Variants in GABRG3 observed in about 807,000 individuals in gnomAD.
GABRG3 encodes gamma-aminobutyric acid receptor subunit gamma-3.
GABRG3 carries 25 observed loss-of-function variants against 48.8 expected under a neutral mutation model. That is an observed-to-expected ratio of 0.51 (90% confidence interval 0.37 to 0.72). GABRG3 has a LOEUF of 0.72. Ranked by LOEUF, GABRG3 falls within the 30% of genes least tolerant of loss-of-function variation. The pLI, the probability that GABRG3 is intolerant of heterozygous loss-of-function variation, is 0.00. For synonymous variants in GABRG3, 227 were observed against 217.6 expected (o/e 1.04, Z -0.38); for missense variants, 394 against 577.9 (o/e 0.68, Z 3.26).
chr15:27,128,006 T>C (rs1457386036), intron 3 of GABRG3, among the ~76,000 whole-genome samples: 1 of 152,060 alleles, frequency 6.6e-6, no homozygotes, highest in African/African-American at 2.4e-5. Flanking sequence ...GTGACCTGGG[T>C]ATGGAAGGCG....
chr15:27,473,854 A>G (rs1055488485), intron 5 of GABRG3, among the ~76,000 whole-genome samples: 8 of 152,254 alleles, frequency 5.3e-5, no homozygotes, highest in African/African-American at 1.9e-4. Context: ...CTTCACTTTC[A>G]TGAAAACACA....
At chr15:27,530,727 G>T in intron 9 of GABRG3, 1 of 471,018 alleles carries the variant, frequency 2.1e-6, no homozygotes, top group Non-Finnish European at 4.4e-6. Context: ...GAATCTTCCT[G>T]TGTGGCTGCC....
chr15:27,416,743 G>A (rs899598511), intron 5 of GABRG3, among the ~76,000 whole-genome samples: 3 of 152,086 alleles, frequency 2.0e-5, no homozygotes, highest in African/African-American at 7.2e-5. Flanking sequence ...TTTCTGCCCC[G>A]GTAAATTGCG....
chr15:27,416,037 G>A (rs905851331), intron 5 of GABRG3, among the ~76,000 whole-genome samples: 3 of 152,036 alleles, frequency 2.0e-5, no homozygotes, highest in Non-Finnish European at 2.9e-5. Flanking sequence ...AATCATCTTC[G>A]AAGAAAGGCA....
chr15:27,237,740 T>TTGTTAGAA (rs1890018348), intron 3 of GABRG3, among the ~76,000 whole-genome samples: 1 of 152,196 alleles, frequency 6.6e-6, no homozygotes, highest in Non-Finnish European at 1.5e-5. Context: ...ACATAAAGCT[T>TTGTTAGAA]TGTTAGAATG....
In GABRG3 at chr15:27,430,626, T is replaced by C. The variant is rs150248321; in HGVS notation, c.575-50024T>C. On this transcript the variant is annotated intron_variant, in intron 5 of 9. Coordinates refer to ENST00000615808, the MANE Select transcript of GABRG3 (RefSeq NM_033223.5). ...CATTTGTTTGCATGTGCATATCCCA[T>C]TGTCCCAGCAACATTTGTTTAAATG... Among the ~76,000 whole-genome samples the C allele has an allele frequency of 1.6e-4, 24 of 152,312 alleles. No homozygotes were observed. In the East Asian group the frequency reaches 4.6e-3, roughly 29 times the overall value.
intron 6 of GABRG3, among the ~76,000 whole-genome samples, chr15:27,516,587 C>G (rs981373280): frequency 6.6e-6 from 1 of 152,158 alleles, no homozygotes; most frequent in Non-Finnish European, 1.5e-5. Context: ...ATCTTCTACA[C>G]CACTGGTTTT....
chr15:27,218,804 C>G (rs139291501), intron 3 of GABRG3, among the ~76,000 whole-genome samples: 1 of 152,146 alleles, frequency 6.6e-6, no homozygotes, highest in Non-Finnish European at 1.5e-5. Flanking sequence ...GGGTGGTGAC[C>G]GTGGCCAGGT....
intron 2 of GABRG3, among the ~76,000 whole-genome samples, chr15:27,005,263 C>T (rs537083753): frequency 1.3e-5 from 2 of 151,902 alleles, no homozygotes; most frequent in African/African-American, 4.8e-5. Flanking sequence ...TGCGGTGGTG[C>T]AATCTCGGCT....
chr15:27,351,343 T>C lies in GABRG3; in HGVS notation c.574+22455T>C, dbSNP rs534146202. Among the ~76,000 whole-genome samples, 724 of 149,084 alleles carry C rather than the reference T, an allele frequency of 4.9e-3. 4 individuals are homozygous for C. The highest frequency in any genetic ancestry group is 0.017 in the African/African-American group (682 of 40,244). The stretch of plus-strand genomic sequence containing the variant: ...GTGTATGGTGTGTGTGTGTATGGTA[T>C]ATGTGTGTATGTGTGAGTGCCTTTG... On this transcript the variant is annotated intron_variant, in intron 5 of 9. Transcript: ENST00000615808.
rs540946406 is a variant in GABRG3 at position 27,534,916 on chromosome 15, G to A, written c.*2035G>A. 65 of 152,248 alleles carry A rather than the reference G, an allele frequency of 4.3e-4. No homozygotes were observed. The highest frequency in any genetic ancestry group is 1.5e-3 in the African/African-American group (63 of 41,542). The allele number at this position is 152,248 out of a possible 1,614,324, so 9.4% of individuals were successfully genotyped here. A position where few individuals can be genotyped will look rare whatever the true frequency, so the allele number is the denominator to read the frequency against. ...TGCTACATAATCCACAAGCCAATTG[G>A]CTTCAGTTTAGCAAATTCAGTTTTA... is the stretch of plus-strand genomic sequence containing the variant. On this transcript the variant is annotated 3_prime_UTR_variant, in exon 10 of 10. Coordinates refer to ENST00000615808, the MANE Select transcript of GABRG3 (RefSeq NM_033223.5).
intron 3 of GABRG3, among the ~76,000 whole-genome samples, chr15:27,228,219 C>T (rs1714445395): frequency 6.6e-6 from 1 of 152,168 alleles, no homozygotes; most frequent in Non-Finnish European, 1.5e-5. Context: ...GCTCCTCTTC[C>T]TCCTGCCTTA....
At chr15:27,032,368 G>A (rs1000957774) in intron 3 of GABRG3, among the ~76,000 whole-genome samples, 1 of 152,142 alleles carries the variant, frequency 6.6e-6, no homozygotes, top group Non-Finnish European at 1.5e-5. Context: ...TACTTGGTAT[G>A]CCTGATGTAT....
At chr15:27,418,538 C>T (rs1888012123) in intron 5 of GABRG3, among the ~76,000 whole-genome samples, 1 of 152,166 alleles carries the variant, frequency 6.6e-6, no homozygotes, top group South Asian at 2.1e-4. Flanking sequence ...ATTCAGCTGC[C>T]ACTGTGCAGC....
At chr15:27,252,361 C>T (rs1890485653) in intron 3 of GABRG3, among the ~76,000 whole-genome samples, 1 of 152,088 alleles carries the variant, frequency 6.6e-6, no homozygotes, top group South Asian at 2.1e-4. Flanking sequence ...CCTTCTGTGT[C>T]AGCACTACCT....
chr15:27,025,101 C>A (rs73367728), intron 2 of GABRG3, among the ~76,000 whole-genome samples: 1 of 149,876 alleles, frequency 6.7e-6, no homozygotes, highest in Non-Finnish European at 1.5e-5. Flanking sequence ...TGTGTGTGTG[C>A]GCACACTTAT....
At chr15:27,125,129 G>T (rs927754930) in intron 3 of GABRG3, among the ~76,000 whole-genome samples, 3 of 152,086 alleles carry the variant, frequency 2.0e-5, no homozygotes, top group African/African-American at 7.2e-5. Context: ...TATGCCGAAA[G>T]ACTTTTTATT....
chr15:27,445,171 T>A (rs1017251828), intron 5 of GABRG3, among the ~76,000 whole-genome samples: 3 of 152,116 alleles, frequency 2.0e-5, no homozygotes, highest in Admixed American at 6.6e-5. Context: ...CCATGCCCAG[T>A]CATGTTCAAG....
chr15:27,191,558 T>C (rs533961938), intron 3 of GABRG3, among the ~76,000 whole-genome samples: 605 of 152,320 alleles, frequency 4.0e-3, no homozygotes, highest in Non-Finnish European at 6.5e-3. Flanking sequence ...TGCCTTTTTT[T>C]GTTTTCCATT....
Sources: gnomAD v4.1 joint callset for allele counts (sites outside exome capture counted in the v4.1 genomes callset) on GRCh38, gnomAD v4.1.1 for gene constraint, MANE v1.5 for transcripts, NCBI Gene and HGNC (gene_info 2026-07-23, HGNC 2026-07-21) for gene names.